Variants in PPFIA2 observed in about 807,000 individuals in gnomAD.
PPFIA2 encodes PPFI scaffold protein A2, also known as liprin-alpha-2.
A neutral mutation model predicts 175.5 loss-of-function variants in PPFIA2; 46 were observed. The ratio of observed to expected loss-of-function variants is 0.26; its 90% CI spans 0.21 to 0.34. The LOEUF is 0.34. Ranked by LOEUF, PPFIA2 falls within the 10% of genes least tolerant of loss-of-function variation. The probability of loss-of-function intolerance (pLI) is 1.00; values close to 1 mark genes in which losing one functional copy is unlikely to be tolerated. For missense variants in PPFIA2, 1,179 were observed against 1,506.1 expected (o/e 0.78, Z 3.60); for synonymous variants, 568 against 511.4 (o/e 1.11, Z -1.49).
chr12:81,664,490 C>G (rs1300126536), intron 4 of PPFIA2, among the ~76,000 whole-genome samples: 1 of 152,038 alleles, frequency 6.6e-6, no homozygotes, highest in South Asian at 2.1e-4. Flanking sequence ...CAATAAGATA[C>G]CATCTCACAC....
intron 19 of PPFIA2, 135 bp from the exon 20 acceptor site, chr12:81,341,343 A>G: frequency 1.4e-6 from 1 of 712,840 alleles, no homozygotes; most frequent in Non-Finnish European, 2.2e-6. Context: ...GGGGCATTTA[A>G]GTCTTACATA....
At chr12:81,334,226 T>G (rs1299915847) in intron 21 of PPFIA2, among the ~76,000 whole-genome samples, 1 of 152,216 alleles carries the variant, frequency 6.6e-6, no homozygotes, top group Non-Finnish European at 1.5e-5. Context: ...TTCCTAGTTC[T>G]GACAGGACAG....
At chr12:81,407,344 G>C (rs527716779) in intron 7 of PPFIA2, among the ~76,000 whole-genome samples, 1 of 151,816 alleles carries the variant, frequency 6.6e-6, no homozygotes, top group Non-Finnish European at 1.5e-5. Context: ...TTAGCCGGGC[G>C]TGATGGTGGG....
chr12:81,430,603 T>C (rs1445860812), intron 7 of PPFIA2: 1 of 151,908 alleles, frequency 6.6e-6, no homozygotes, highest in Non-Finnish European at 1.5e-5. Context: ...TTTGGTTCAG[T>C]GACTCTTGAC....
rs369154994 is a variant in PPFIA2, at chr12:81,542,302, T to C, written c.304-84436A>G. On this transcript the variant is annotated intron_variant, in intron 4 of 32. Coordinates refer to ENST00000549396, the MANE Select transcript of PPFIA2 (RefSeq NM_003625.5). ...GAGGCTGAAAGAGGCAAGGACTATA[T>C]TCTCCTCTAGGAGCCTTGGGAAAGG... is the stretch of plus-strand genomic sequence containing the variant. Among the ~76,000 whole-genome samples the C allele has an allele frequency of 7.1e-4, 108 of 152,214 alleles. 2 individuals are homozygous for C. Among genetic ancestry groups the C allele is most frequent in the African/African-American group, 2.5e-3 (102 of 41,550 alleles).
intron 3 of PPFIA2, among the ~76,000 whole-genome samples, chr12:81,742,719 G>A (rs1568093670): frequency 6.6e-6 from 1 of 152,132 alleles, no homozygotes; most frequent in Non-Finnish European, 1.5e-5. Context: ...GATAGAAAAA[G>A]ACAAGGTTCA....
At chr12:81,713,053 T>G (rs543748112) in intron 3 of PPFIA2, among the ~76,000 whole-genome samples, 2 of 151,400 alleles carry the variant, frequency 1.3e-5, no homozygotes, top group South Asian at 4.1e-4. Flanking sequence ...ATAATACAAT[T>G]AAATATTATG....
In PPFIA2 at chr12:81,635,074, G is replaced by A. The variant is rs146172850; in HGVS notation, c.303+41717C>T. ...GATTTTCTGATGTGAGACAATGGGA[G>A]CAACGATGAAAGTGTTTGCATTTTA... On this transcript the variant is annotated intron_variant, in intron 4 of 32. Coordinates refer to ENST00000549396, the MANE Select transcript of PPFIA2 (RefSeq NM_003625.5). Among the ~76,000 whole-genome samples the A allele has an allele frequency of 3.8e-3, 580 of 152,288 alleles. 3 individuals carry two copies. The highest frequency in any genetic ancestry group is 6.3e-3 in the Non-Finnish European group (428 of 68,004).
chr12:81,283,173 A>G (rs1425158447), intron 25 of PPFIA2, 134 bp from the exon 26 acceptor site: 2 of 804,808 alleles, frequency 2.5e-6, no homozygotes, highest in African/African-American at 1.7e-5. Flanking sequence ...ATAAACACAC[A>G]GATTCATAGA....
chr12:81,412,164 C>T (rs942439171), intron 7 of PPFIA2, among the ~76,000 whole-genome samples: 2 of 151,466 alleles, frequency 1.3e-5, no homozygotes, highest in Non-Finnish European at 2.9e-5. Context: ...ATAACAAAGA[C>T]CATTAAATAT....
In PPFIA2 at chr12:81,384,248, C is replaced by A. The variant is rs768295129; in HGVS notation, c.763-4G>T. 6.8e-7 allele frequency: 1 copy of A among 1,469,312 alleles called. No homozygotes were observed. The highest frequency in any genetic ancestry group is 9.1e-7 in the Non-Finnish European group (1 of 1,097,004). The allele number at this position is 1,469,312 out of a possible 1,614,324, so 91.0% of individuals were successfully genotyped here. A position where few individuals can be genotyped will look rare whatever the true frequency, so the allele number is the denominator to read the frequency against. On this transcript the variant is annotated splice_polypyrimidine_tract_variant and splice_region_variant and intron_variant, in intron 8 of 32. Transcript: ENST00000549396. ...CTATAGAACCATTGGACAAACGCTG[C>A]AGAAATAGAAAAAGAAATGGCACTT...
Position 81,666,896 on chromosome 12 carries a change from C to T in PPFIA2, c.303+9895G>A, listed in dbSNP as rs560920506. ...TTTCCAGAGTCCACACTCTACACCACTACATCTTATGCTATTTTGCAAGGA... is the reference window on the plus strand; with the variant it reads ...TTTCCAGAGTCCACACTCTACACCATTACATCTTATGCTATTTTGCAAGGA... On this transcript the variant is annotated intron_variant, in intron 4 of 32. Coordinates refer to ENST00000549396, the MANE Select transcript of PPFIA2 (RefSeq NM_003625.5). Among the ~76,000 whole-genome samples, 6 of 152,244 alleles carry T rather than the reference C, an allele frequency of 3.9e-5. No individual in the cohort carries two copies. In the South Asian group the frequency reaches 1.2e-3, roughly 32 times the overall value.
In PPFIA2 at chr12:81,460,277, C is replaced by T. The variant is rs577921244; in HGVS notation, c.304-2411G>A. Among the ~76,000 whole-genome samples, 6 of 152,096 alleles carry T rather than the reference C, an allele frequency of 3.9e-5. No individual in the cohort carries two copies. In the South Asian group the frequency reaches 8.3e-4, roughly 21 times the overall value. On this transcript the variant is annotated intron_variant, in intron 4 of 32. Coordinates refer to ENST00000549396, the MANE Select transcript of PPFIA2 (RefSeq NM_003625.5). ...ATCTGATGATTTTATAAAGGGAAAC[C>T]GCTTTCATTTGGTCCTCATTCTCTC...
At chr12:81,526,345 G>A (rs892078334) in intron 4 of PPFIA2, among the ~76,000 whole-genome samples, 1 of 152,184 alleles carries the variant, frequency 6.6e-6, no homozygotes, top group East Asian at 1.9e-4. Context: ...GCTTTTGCCT[G>A]TTTGGGGATG....
intron 4 of PPFIA2, among the ~76,000 whole-genome samples, chr12:81,522,690 G>T (rs557764725): frequency 6.6e-6 from 1 of 152,012 alleles, no homozygotes; most frequent in Admixed American, 6.6e-5. Context: ...CTTCCCTGCC[G>T]TCCAAATTTT....
chr12:81,481,104 AAC>A (rs2058161474), intron 4 of PPFIA2, among the ~76,000 whole-genome samples: 1 of 152,192 alleles, frequency 6.6e-6, no homozygotes, highest in Admixed American at 6.5e-5. Flanking sequence ...ATAATAGAGA[AAC>A]AGAGAGCCAA....
At chr12:81,652,127 G>A (rs781635278) in intron 4 of PPFIA2, among the ~76,000 whole-genome samples, 13 of 150,940 alleles carry the variant, frequency 8.6e-5, no homozygotes, top group Non-Finnish European at 1.6e-4. Context: ...GACTGTGAAA[G>A]ACCAGTTCTA....
At chr12:81,271,850 AT>A (rs562400429) in intron 28 of PPFIA2, among the ~76,000 whole-genome samples, 278 of 151,950 alleles carry the variant, frequency 1.8e-3, no homozygotes, top group African/African-American at 6.4e-3. Flanking sequence ...TCATGTGTGC[AT>A]TTTTTTATTA....
intron 4 of PPFIA2, among the ~76,000 whole-genome samples, chr12:81,566,196 GC>G (rs1359950876): frequency 6.6e-6 from 1 of 152,040 alleles, no homozygotes; most frequent in African/African-American, 2.4e-5. Flanking sequence ...TAAATGACCT[GC>G]CCTGCCATAA....
Sources: gnomAD v4.1 joint callset for allele counts (sites outside exome capture counted in the v4.1 genomes callset) on GRCh38, gnomAD v4.1.1 for gene constraint, MANE v1.5 for transcripts, NCBI Gene and HGNC (gene_info 2026-07-23, HGNC 2026-07-21) for gene names.